Variants in SLCO3A1 observed in about 807,000 individuals in gnomAD.
SLCO3A1 encodes PGE1 transporter.
A neutral mutation model predicts 63.1 loss-of-function variants in SLCO3A1; 27 were observed. That is an observed-to-expected ratio of 0.43 (90% CI 0.32 to 0.59). SLCO3A1 has a LOEUF of 0.59. Ranked by LOEUF, SLCO3A1 falls within the 20% of genes least tolerant of loss-of-function variation. SLCO3A1 has a pLI of 0.09. For missense variants in SLCO3A1, 773 were observed against 945.8 expected (o/e 0.82, Z 2.40); for synonymous variants, 473 against 409.9 (o/e 1.15, Z -1.86).
At chr15:92,018,008 G>T (rs1597225639) in intron 2 of SLCO3A1, among the ~76,000 whole-genome samples, 1 of 152,296 alleles carries the variant, frequency 6.6e-6, no homozygotes, top group East Asian at 1.9e-4. Context: ...GAGTGGAGGA[G>T]GATGGATGGG....
chr15:92,128,636 T>A, intron 7 of SLCO3A1, 147 bp downstream of exon 7: 1 of 685,388 alleles, frequency 1.5e-6, no homozygotes, highest in Non-Finnish European at 2.4e-6. Context: ...ATCAGCAGGA[T>A]GAGAGGACTG....
intron 8 of SLCO3A1, among the ~76,000 whole-genome samples, chr15:92,147,652 C>T (rs905790846): frequency 2.6e-5 from 4 of 152,058 alleles, no homozygotes; most frequent in African/African-American, 4.8e-5. Flanking sequence ...AGAGACTTGA[C>T]GGGTTATTGT....
At chr15:91,999,589 G>GA (rs962210982) in intron 2 of SLCO3A1, among the ~76,000 whole-genome samples, 30 of 152,168 alleles carry the variant, frequency 2.0e-4, no homozygotes, top group Admixed American at 3.9e-4. Context: ...TAAAATCTGA[G>GA]AACACCAAGG....
chr15:92,152,260 T>A (rs1036918536), intron 9 of SLCO3A1, among the ~76,000 whole-genome samples: 7 of 152,246 alleles, frequency 4.6e-5, no homozygotes, highest in African/African-American at 1.7e-4. Flanking sequence ...AGGTCCTCCC[T>A]GGGGAATGGC....
At chr15:91,928,153 TAAAG>T (rs920677337) in intron 2 of SLCO3A1, among the ~76,000 whole-genome samples, 2 of 152,246 alleles carry the variant, frequency 1.3e-5, no homozygotes, top group African/African-American at 2.4e-5. Context: ...ATTACTATCA[TAAAG>T]AGAGTTTAAC....
chr15:91,977,700 A>C (rs1180057271), intron 2 of SLCO3A1, among the ~76,000 whole-genome samples: 1 of 152,164 alleles, frequency 6.6e-6, no homozygotes, highest in African/African-American at 2.4e-5. Flanking sequence ...AATCTCAGAC[A>C]CCACCACTAA....
chr15:92,086,567 T>G (rs2047406977), intron 2 of SLCO3A1, among the ~76,000 whole-genome samples: 1 of 152,216 alleles, frequency 6.6e-6, no homozygotes, highest in Non-Finnish European at 1.5e-5. Context: ...TTCCCACATT[T>G]TCACATTCTT....
chr15:92,127,371 A>AG (rs56218292), intron 6 of SLCO3A1, among the ~76,000 whole-genome samples: 117,152 of 151,518 alleles, frequency 0.77, 46,223 homozygotes, highest in Middle Eastern at 0.89. Context: ...TATATCCTAC[A>AG]TCACACAGCC....
At chr15:91,919,190 A>C (rs1424606659) in intron 2 of SLCO3A1, among the ~76,000 whole-genome samples, 3 of 152,186 alleles carry the variant, frequency 2.0e-5, no homozygotes, top group African/African-American at 7.2e-5. Context: ...ACTACAACCC[A>C]GGGCAAAGTG....
At chr15:91,902,401 A>G (rs1898182729) in intron 1 of SLCO3A1, among the ~76,000 whole-genome samples, 1 of 151,894 alleles carries the variant, frequency 6.6e-6, no homozygotes. Flanking sequence ...AAGGATCCCT[A>G]TGGCTGATCC....
intron 9 of SLCO3A1, among the ~76,000 whole-genome samples, chr15:92,158,048 C>T (rs1451160149): frequency 2.6e-5 from 4 of 152,218 alleles, no homozygotes; most frequent in Non-Finnish European, 5.9e-5. Context: ...AAGCCTACCA[C>T]GATGACAACT....
At chr15:92,019,069 G>A (rs2046474294) in intron 2 of SLCO3A1, among the ~76,000 whole-genome samples, 1 of 144,716 alleles carries the variant, frequency 6.9e-6, no homozygotes, top group Non-Finnish European at 1.5e-5. Context: ...GTGCGTCCTG[G>A]GAGGGGCTGA....
chr15:92,166,978 A>G (rs997813829), downstream of SLCO3A1, among the ~76,000 whole-genome samples: 4 of 152,226 alleles, frequency 2.6e-5, no homozygotes, highest in African/African-American at 7.2e-5. Flanking sequence ...CAAGCTATGA[A>G]GGTCAGTGCA....
intron 2 of SLCO3A1, among the ~76,000 whole-genome samples, chr15:92,044,393 A>G (rs1429132209): frequency 6.6e-6 from 1 of 152,074 alleles, no homozygotes; most frequent in Non-Finnish European, 1.5e-5. Flanking sequence ...CTAGATCACT[A>G]GATAAAATCT....
intron 1 of SLCO3A1, among the ~76,000 whole-genome samples, chr15:91,858,859 G>T (rs905868389): frequency 5.9e-5 from 9 of 152,216 alleles, no homozygotes; most frequent in Non-Finnish European, 1.0e-4. Flanking sequence ...TCTCTTAGCA[G>T]ATTGGCCTGG....
At chr15:91,884,878 T>A (rs1251315825) in intron 1 of SLCO3A1, among the ~76,000 whole-genome samples, 1 of 152,120 alleles carries the variant, frequency 6.6e-6, no homozygotes, top group East Asian at 1.9e-4. Context: ...AAGCTGATTC[T>A]TTTAGACCTG....
chr15:92,062,345 C>A (rs2047096722), intron 2 of SLCO3A1, among the ~76,000 whole-genome samples: 1 of 152,146 alleles, frequency 6.6e-6, no homozygotes, highest in Admixed American at 6.5e-5. Flanking sequence ...CAAGTCGGGT[C>A]AGTCATCCTG....
At chr15:92,039,580 G>A (rs1829273) in intron 2 of SLCO3A1, among the ~76,000 whole-genome samples, 38,288 of 152,066 alleles carry the variant, frequency 0.25, 4,929 homozygotes, top group East Asian at 0.38. Flanking sequence ...ATGCTGGTGA[G>A]GCTGTGGAGA....
rs1210560424 is a variant in SLCO3A1, at chr15:91,863,266, C to T, written c.180+9178C>T. Among the ~76,000 whole-genome samples, 1 of 152,222 alleles carries T rather than the reference C, an allele frequency of 6.6e-6. No individual in the cohort carries two copies. Among genetic ancestry groups the T allele is most frequent in the Non-Finnish European group, 1.5e-5 (1 of 68,018 alleles). The stretch of plus-strand genomic sequence containing the variant: ...GCCACCTAGAGCTGTCCCCCTGGAA[C>T]TCAGCTGGCTGTGCTGTCAGCACCA... On this transcript the variant is annotated intron_variant, in intron 1 of 9. Coordinates refer to ENST00000318445, the MANE Select transcript of SLCO3A1 (RefSeq NM_013272.4). This position sits in a 1 kb window ranked among gnomAD's most constrained non-coding sequence, Gnocchi z 4.3.
Sources: gnomAD v4.1 joint callset for allele counts (sites outside exome capture counted in the v4.1 genomes callset) on GRCh38, gnomAD v4.1.1 for gene constraint, Gnocchi (gnomAD v3.1) non-coding constraint, MANE v1.5 for transcripts, NCBI Gene and HGNC (gene_info 2026-07-23, HGNC 2026-07-21) for gene names.